MED12L: variants seen among roughly 807,000 people sequenced by gnomAD.
MED12L encodes the protein mediator of RNA polymerase II transcription subunit 12-like protein.
In MED12L, 60 loss-of-function variants were observed where a neutral mutation model predicts 281.3. The ratio of observed to expected loss-of-function variants is 0.21; its 90% CI spans 0.17 to 0.26. The LOEUF is 0.26. MED12L is among the 10% of genes least tolerant of loss of function. The pLI, the probability that MED12L is intolerant of heterozygous loss-of-function variation, is 1.00. For missense variants in MED12L, 2,146 were observed against 2,680.9 expected (o/e 0.80, Z 4.41); for synonymous variants, 974 against 987.2 (o/e 0.99, Z 0.25).
chr3:151,141,395 T>TA (rs553948805), intron 5 of MED12L, among the ~76,000 whole-genome samples: 139 of 152,168 alleles, frequency 9.1e-4, no homozygotes, highest in Non-Finnish European at 1.5e-3. Context: ...TGATTTAGTT[T>TA]AAAAAAGGTT....
intron 14 of MED12L, among the ~76,000 whole-genome samples, 182 bp downstream of exon 14, chr3:151,191,113 C>T (rs1723920864): frequency 6.6e-6 from 1 of 152,166 alleles, no homozygotes; most frequent in African/African-American, 2.4e-5. Context: ...CTTATGTCTT[C>T]CAGAATTTCC....
intron 44 of MED12L, among the ~76,000 whole-genome samples, chr3:151,431,191 T>C (rs1253962626): frequency 6.6e-6 from 1 of 152,204 alleles, no homozygotes; most frequent in African/African-American, 2.4e-5. Context: ...GTGTAGTTTT[T>C]CCATCCGTGC....
At chr3:151,384,976 T>A (rs1713080975) in intron 35 of MED12L, 54 bp from the exon 36 acceptor site, 4 of 972,392 alleles carry the variant, frequency 4.1e-6, no homozygotes, top group Non-Finnish European at 4.9e-6. Flanking sequence ...ACTTTTGCCT[T>A]CATTGTAATT....
At chr3:151,425,715 C>T (rs1265499874) in intron 43 of MED12L, 1 of 456,484 alleles carries the variant, frequency 2.2e-6, no homozygotes, top group African/African-American at 2.0e-5. Context: ...ATGGCTTCTG[C>T]CTCTGAGAAG....
chr3:151,241,809 G>C (rs1016509928), intron 16 of MED12L: 1 of 154,566 alleles, frequency 6.5e-6, no homozygotes, highest in African/African-American at 2.4e-5. Flanking sequence ...GAACAGCTCC[G>C]GTCTACAGCT....
chr3:151,195,759 C>A (rs1233287218), intron 16 of MED12L, among the ~76,000 whole-genome samples: 1 of 152,188 alleles, frequency 6.6e-6, no homozygotes, highest in Non-Finnish European at 1.5e-5. Flanking sequence ...ATGTTAACTT[C>A]TTAGTTTCAC....
rs1366186997 is a variant in MED12L at position 151,384,848 on chromosome 3, AGAAAT to A, written c.4927-177_4927-173del. ...GTGTTCTATTTTCTACTTAAATAGAAGAAATGAAACACTCATTGCTCTATTTGGAA... is the reference window on the plus strand; with the variant it reads ...GTGTTCTATTTTCTACTTAAATAGAAGAAACACTCATTGCTCTATTTGGAA... On this transcript the variant is annotated intron_variant, in intron 35 of 44. Transcript: ENST00000687756. 6 of 547,688 alleles carry A rather than the reference AGAAAT, an allele frequency of 1.1e-5. No individual in the cohort carries two copies. In the East Asian group the frequency reaches 2.0e-4, roughly 18 times the overall value. 33.9% of individuals were successfully genotyped at this position (547,688 alleles called of 1,614,324 possible).
At position 151,432,824 on chromosome 3, in the gene MED12L, A is replaced by G. The variant is rs761511914; in HGVS notation, c.*20A>G. The G allele has an allele frequency of 1.4e-5, 22 of 1,597,858 alleles. No homozygotes were observed. Among genetic ancestry groups the G allele is most frequent in the Non-Finnish European group, 1.8e-5 (21 of 1,167,538 alleles). ...TTCTGAATCTGCAAGAGGAGAAGAC[A>G]TGACGTTTTATGTTTGCACTGAAAA... On this transcript the variant is annotated 3_prime_UTR_variant, in exon 45 of 45. Transcript: ENST00000687756.
intron 16 of MED12L, among the ~76,000 whole-genome samples, chr3:151,277,341 C>G (rs1385367809): frequency 1.3e-5 from 2 of 151,938 alleles, no homozygotes; most frequent in Non-Finnish European, 2.9e-5. Context: ...AAATTCATTG[C>G]ATGTTTACAA....
At chr3:151,419,195 T>A (rs904654881) in intron 43 of MED12L, among the ~76,000 whole-genome samples, 1 of 152,256 alleles carries the variant, frequency 6.6e-6, no homozygotes, top group Non-Finnish European at 1.5e-5. Flanking sequence ...GGTATTTGTA[T>A]TAGTTAGGGT....
chr3:151,305,746 AG>A (rs377240226), intron 16 of MED12L, among the ~76,000 whole-genome samples: 3 of 151,646 alleles, frequency 2.0e-5, no homozygotes, highest in African/African-American at 7.3e-5. Flanking sequence ...AGGAAGTGGG[AG>A]GGGGGCAGTA....
At chr3:151,365,750 T>C (rs1284167315) in intron 22 of MED12L, 100 bp from the exon 23 acceptor site, 2 of 1,077,400 alleles carry the variant, frequency 1.9e-6, no homozygotes, top group African/African-American at 3.1e-5. Context: ...AGAAAATGAC[T>C]TGTTTGATGT....
chr3:151,374,252 A>G (rs749128800), intron 27 of MED12L, among the ~76,000 whole-genome samples: 14 of 152,232 alleles, frequency 9.2e-5, no homozygotes, highest in Non-Finnish European at 2.1e-4. Flanking sequence ...TACAGTATCA[A>G]AAATGTACAC....
chr3:151,366,779 A>G (rs920466274), intron 23 of MED12L, among the ~76,000 whole-genome samples: 1 of 152,202 alleles, frequency 6.6e-6, no homozygotes, highest in South Asian at 2.1e-4. Flanking sequence ...GAATTTATGT[A>G]TATAAAATTC....
chr3:151,247,969 T>C (rs1398532574), intron 16 of MED12L, among the ~76,000 whole-genome samples: 64 of 142,204 alleles, frequency 4.5e-4, no homozygotes, highest in African/African-American at 1.5e-3. Context: ...CTTCTTTTTT[T>C]TTTTTTTTTT....
chr3:151,136,608 A>G (rs1716174535), intron 5 of MED12L, among the ~76,000 whole-genome samples: 5 of 152,236 alleles, frequency 3.3e-5, no homozygotes, highest in Admixed American at 3.3e-4. Context: ...TGGTACCTGC[A>G]GCTATTCCAT....
At chr3:151,364,361 T>G (rs1257572748) in intron 21 of MED12L, among the ~76,000 whole-genome samples, 1 of 152,152 alleles carries the variant, frequency 6.6e-6, no homozygotes, top group Non-Finnish European at 1.5e-5. Flanking sequence ...CTCTGAGAAA[T>G]ACAACATGAT....
intron 16 of MED12L, among the ~76,000 whole-genome samples, chr3:151,298,899 G>A (rs1745482832): frequency 6.6e-6 from 1 of 152,106 alleles, no homozygotes; most frequent in African/African-American, 2.4e-5. Flanking sequence ...TACTGTATTG[G>A]CCAGTGCAGA....
rs909567459 is a variant in MED12L, at chr3:151,413,081, T to C, written c.6141-58T>C. On this transcript the variant is annotated intron_variant, in intron 41 of 44. Transcript: ENST00000687756. Reference sequence around the variant, plus strand: ...GGTGTATGTCATGTGCTGGTAGCACTGATTAAAAGTTTGACATTATGCTTG... The same window carrying C: ...GGTGTATGTCATGTGCTGGTAGCACCGATTAAAAGTTTGACATTATGCTTG... 5.1e-6 allele frequency: 8 copies of C among 1,566,646 alleles called. No homozygotes were observed. The African/African-American group carries it at 9.4e-5, about 18-fold the overall frequency.
Sources: allele counts gnomAD v4.1 joint callset (sites outside exome capture counted in the v4.1 genomes callset), GRCh38; gene constraint gnomAD v4.1.1; transcripts MANE v1.5; gene names NCBI Gene and HGNC (gene_info 2026-07-23, HGNC 2026-07-21).